The following FBXO21 variants were observed in gnomAD, a reference collection of about 807,000 sequenced individuals.
FBXO21 encodes the protein F-box only protein 21.
Under a neutral mutation model 76.6 loss-of-function variants are expected in FBXO21, and 32 were observed. That is an observed-to-expected ratio of 0.42 (90% CI 0.32 to 0.56). The LOEUF (loss-of-function observed/expected upper bound fraction) is 0.56. Among genes scored for constraint, FBXO21 ranks in the 20% least tolerant of loss-of-function variants. The pLI is 0.16. For synonymous variants in FBXO21, 328 were observed against 311.5 expected, an observed-to-expected ratio of 1.05 and a Z score of -0.56; for missense variants, 586 against 797.3, an observed-to-expected ratio of 0.73 and a Z score of 3.19.
chr12:117,158,208 G>C, intron 9 of FBXO21, 145 bp from the exon 10 acceptor site: 1 of 831,108 alleles, frequency 1.2e-6, no homozygotes, highest in Non-Finnish European at 1.9e-6. Context: ...ACCGGTCCAG[G>C]TCTCTGGACC....
intron 9 of FBXO21, among the ~76,000 whole-genome samples, chr12:117,161,654 T>C (rs1352438403): frequency 6.6e-6 from 1 of 151,986 alleles, no homozygotes; most frequent in East Asian, 1.9e-4. Context: ...TGCAGGGGTG[T>C]AGCAGGTGTG....
chr12:117,180,552 T>C (rs942771875), intron 3 of FBXO21, among the ~76,000 whole-genome samples: 4 of 152,198 alleles, frequency 2.6e-5, no homozygotes, highest in Non-Finnish European at 5.9e-5. Context: ...CACATCGTTA[T>C]TCATTTACTT....
At chr12:117,179,832 C>T (rs74602164) in intron 3 of FBXO21, among the ~76,000 whole-genome samples, 4,344 of 152,210 alleles carry the variant, frequency 0.029, 195 homozygotes, top group African/African-American at 0.096. Context: ...AAAACCTCCC[C>T]GTCTATTATT....
chr12:117,158,765 T>C (rs985850690), intron 9 of FBXO21, among the ~76,000 whole-genome samples: 1 of 152,212 alleles, frequency 6.6e-6, no homozygotes, highest in African/African-American at 2.4e-5. Flanking sequence ...ACTACATCTA[T>C]GCAGAGGTTA....
chr12:117,186,333 T>C, intron 3 of FBXO21, 144 bp downstream of exon 3: 1 of 660,710 alleles, frequency 1.5e-6, no homozygotes, highest in Non-Finnish European at 2.7e-6. Flanking sequence ...CTACCTAATA[T>C]ACACAGAACT....
chr12:117,185,442 C>A (rs1956272513), intron 3 of FBXO21, among the ~76,000 whole-genome samples: 1 of 152,206 alleles, frequency 6.6e-6, no homozygotes, highest in African/African-American at 2.4e-5. Context: ...AACTAACATT[C>A]TTATCTTCCA....
At position 117,190,407 on chromosome 12, in the gene FBXO21, G is replaced by A; in HGVS notation, c.50C>T (p.Ala17Val). ...DSAMEVVPAL[A>V]EEAAPEVAGL... ...CGCTACCTCCGGCGCGGCCTCCTCC[G>A]CCAGCGCCGGCACCACCTCCATCGC... The change falls in exon 1 of 12, where the codon GCG becomes GTG. Residue 17 changes from alanine (A) to valine (V), a missense_variant. Physicochemically the swap from Ala to Val is moderately conservative, Grantham distance 64. Transcript: ENST00000622495. 1.3e-6 allele frequency: 2 copies of A among 1,487,494 alleles called. No homozygotes were observed. Among genetic ancestry groups the A allele is most frequent in the East Asian group, 2.9e-5 (1 of 34,752 alleles). The allele number at this position is 1,487,494 out of a possible 1,614,324, so 92.1% of individuals were successfully genotyped here. A position where few individuals can be genotyped will look rare whatever the true frequency, so the allele number is the denominator to read the frequency against.
At chr12:117,185,846 G>A (rs7314778) in intron 3 of FBXO21, among the ~76,000 whole-genome samples, 3,477 of 152,222 alleles carry the variant, frequency 0.023, 147 homozygotes, top group African/African-American at 0.079. Flanking sequence ...AGGTAATAAT[G>A]AAGGAAGGAT....
At chr12:117,148,795 C>T (rs1414900800) in intron 11 of FBXO21, among the ~76,000 whole-genome samples, 7 of 152,138 alleles carry the variant, frequency 4.6e-5, no homozygotes, top group Non-Finnish European at 8.8e-5. Context: ...CAGAGAACAC[C>T]GCTGCCCCCA....
chr12:117,147,035 G>A (rs928255073), intron 11 of FBXO21, among the ~76,000 whole-genome samples: 1 of 151,142 alleles, frequency 6.6e-6, no homozygotes, highest in African/African-American at 2.4e-5. Context: ...CTGAGGTCAA[G>A]AGTTCAAGAC....
intron 9 of FBXO21, among the ~76,000 whole-genome samples, chr12:117,162,266 AAGG>A (rs1955987994): frequency 2.7e-5 from 4 of 145,492 alleles, no homozygotes; most frequent in East Asian, 1.9e-4. Flanking sequence ...TGGCAGCAGG[AAGG>A]AGAAGGTGCC....
At chr12:117,147,860 C>T (rs1460834022) in intron 11 of FBXO21, among the ~76,000 whole-genome samples, 1 of 152,192 alleles carries the variant, frequency 6.6e-6, no homozygotes, top group African/African-American at 2.4e-5. Context: ...TGACTGTGTC[C>T]CCAGGGCACC....
intron 2 of FBXO21, among the ~76,000 whole-genome samples, chr12:117,187,770 C>T (rs2135890252): frequency 6.6e-6 from 1 of 152,322 alleles, no homozygotes; most frequent in East Asian, 1.9e-4. Flanking sequence ...GGCTCATAGT[C>T]CATGACCAAC....
chr12:117,142,913 C>CT lies in FBXO21; in HGVS notation c.*3173dup, dbSNP rs1955731110. On this transcript the variant is annotated 3_prime_UTR_variant, in exon 12 of 12. Coordinates refer to ENST00000622495, the MANE Select transcript of FBXO21 (RefSeq NM_015002.3). ...GGAACACTTACAAATGAGAACGGGA[C>CT]TTTAAGTAGATAGTATGCAATGGAA... 1 of 152,064 alleles carries CT rather than the reference C, an allele frequency of 6.6e-6. No homozygotes were observed. Among genetic ancestry groups the CT allele is most frequent in the South Asian group, 2.1e-4 (1 of 4,828 alleles). 9.4% of individuals were successfully genotyped at this position (152,064 alleles called of 1,614,324 possible). A position where few individuals can be genotyped will look rare whatever the true frequency, so the allele number is the denominator to read the frequency against.
Position 117,190,272 on chromosome 12 carries a change from A to G in FBXO21, c.185T>C (p.Leu62Pro). 1 of 1,541,182 alleles carries G rather than the reference A, an allele frequency of 6.5e-7. No homozygotes were observed. The highest frequency in any genetic ancestry group is 8.7e-7 in the Non-Finnish European group (1 of 1,154,584). The change falls in exon 1 of 12, where the codon CTG becomes CCG. Residue 62 changes from leucine to proline, a missense_variant. Physicochemically the swap from Leu to Pro is moderately conservative, Grantham distance 98 (BLOSUM62 -3). Coordinates refer to ENST00000622495, the MANE Select transcript of FBXO21 (RefSeq NM_015002.3). ...CCCGCTGCTCTGGCACAGCTCGCGCAGCCGCCGGCAGGTGCTGGAGACACG... is the reference window on the plus strand; with the variant it reads ...CCCGCTGCTCTGGCACAGCTCGCGCGGCCGCCGGCAGGTGCTGGAGACACG... Reference protein sequence around the residue: ...IGRVSSTCRRLRELCQSSGKV... With the variant: ...IGRVSSTCRRPRELCQSSGKV...
chr12:117,185,313 CCA>C (rs1459404929), intron 3 of FBXO21, among the ~76,000 whole-genome samples: 1 of 152,136 alleles, frequency 6.6e-6, no homozygotes, highest in Admixed American at 6.6e-5. Context: ...TTACCTCTAC[CCA>C]CAGTTGTTCC....
At chr12:117,161,822 GA>G (rs1955980368) in intron 9 of FBXO21, among the ~76,000 whole-genome samples, 1 of 152,284 alleles carries the variant, frequency 6.6e-6, no homozygotes, top group East Asian at 1.9e-4. Context: ...TTGAAGGGAG[GA>G]AATAGCAAGA....
At chr12:117,175,846 G>A (rs1171654378) in intron 4 of FBXO21, among the ~76,000 whole-genome samples, 1 of 152,220 alleles carries the variant, frequency 6.6e-6, no homozygotes, top group African/African-American at 2.4e-5. Context: ...CAATGCTTAT[G>A]ACACTGATGT....
At chr12:117,184,869 A>C (rs1008759263) in intron 3 of FBXO21, among the ~76,000 whole-genome samples, 2 of 152,262 alleles carry the variant, frequency 1.3e-5, no homozygotes, top group Non-Finnish European at 2.9e-5. Context: ...GTACTGTTGA[A>C]TGAGAAAAAA....
Sources: allele counts gnomAD v4.1 joint callset (sites outside exome capture counted in the v4.1 genomes callset), GRCh38; gene constraint gnomAD v4.1.1; transcripts MANE v1.5; gene names NCBI Gene and HGNC (gene_info 2026-07-23, HGNC 2026-07-21).